The following ROR1 variants were observed in gnomAD, a reference collection of about 807,000 sequenced individuals.
The protein encoded by ROR1 is ROR family WNT receptor 1.
A neutral mutation model predicts 78.8 loss-of-function variants in ROR1; 19 were observed. That is an observed-to-expected ratio of 0.24 (90% confidence interval 0.17 to 0.35). ROR1 has a LOEUF of 0.35. ROR1 is among the 10% of genes least tolerant of loss of function. The pLI is 1.00. For synonymous variants in ROR1, 386 were observed against 433.6 expected, an observed-to-expected ratio of 0.89 and a Z score of 1.36; for missense variants, 917 against 1,177.8, an observed-to-expected ratio of 0.78 and a Z score of 3.24.
intron 1 of ROR1, among the ~76,000 whole-genome samples, chr1:63,969,942 T>A (rs285335): frequency 0.089 from 13,568 of 152,130 alleles, 749 homozygotes; most frequent in African/African-American, 0.16. Flanking sequence ...TTACCTGCCC[T>A]CTTTTTCCTC....
chr1:63,817,593 G>C (rs1184591664), intron 1 of ROR1, among the ~76,000 whole-genome samples: 1 of 152,104 alleles, frequency 6.6e-6, no homozygotes, highest in Admixed American at 6.5e-5. Flanking sequence ...ATAGATTAAA[G>C]CACGATTGTC....
chr1:63,843,249 G>A (rs1557522774), intron 1 of ROR1: 2 of 1,507,598 alleles, frequency 1.3e-6, no homozygotes, highest in Non-Finnish European at 1.8e-6. Flanking sequence ...CTCTGCCAGG[G>A]TGCAGCGGTC....
At chr1:63,932,057 T>A (rs1381902648) in intron 1 of ROR1, among the ~76,000 whole-genome samples, 1 of 152,154 alleles carries the variant, frequency 6.6e-6, no homozygotes, top group African/African-American at 2.4e-5. Flanking sequence ...CTTACATGCT[T>A]GCAGTGAGGA....
intron 1 of ROR1, among the ~76,000 whole-genome samples, chr1:63,997,578 A>C (rs1646347337): frequency 1.3e-5 from 2 of 152,064 alleles, no homozygotes; most frequent in South Asian, 2.1e-4. Flanking sequence ...TTCTCAGTTC[A>C]TTTAAAGCTT....
At chr1:63,941,151 A>G (rs1645836295) in intron 1 of ROR1, among the ~76,000 whole-genome samples, 1 of 152,224 alleles carries the variant, frequency 6.6e-6, no homozygotes, top group Admixed American at 6.6e-5. Flanking sequence ...GCTGGAGGGT[A>G]GAAAAAACAA....
rs139973518 is a variant in ROR1 at position 64,083,536 on chromosome 1, T to TGTGTGTGTGTGTGTGTGTGTGTGTC, written c.482+32820_482+32821insGTGTGTGTGTGTGTGTGTGTGTGTC. 2.8e-3 allele frequency among the ~76,000 whole-genome samples: 418 copies of TGTGTGTGTGTGTGTGTGTGTGTGTC among 150,822 alleles called. 1 individual carries two copies. Among genetic ancestry groups the TGTGTGTGTGTGTGTGTGTGTGTGTC allele is most frequent in the African/African-American group, 7.3e-3 (298 of 40,944 alleles). On this transcript the variant is annotated intron_variant, in intron 4 of 8. Transcript: ENST00000371079. ...TAATTTCCAAGATTGAGTGTGTGTG[T>TGTGTGTGTGTGTGTGTGTGTGTGTC]TTTAGGAACACCTAACCATTTCCAG...
chr1:64,030,866 T>G (rs1041079823), intron 2 of ROR1, among the ~76,000 whole-genome samples: 5 of 151,910 alleles, frequency 3.3e-5, no homozygotes, highest in Non-Finnish European at 1.5e-5. Flanking sequence ...GAATTAGGGG[T>G]GTGTGTGTGT....
chr1:63,799,015 G>T (rs1644779575), intron 1 of ROR1, among the ~76,000 whole-genome samples: 1 of 151,908 alleles, frequency 6.6e-6, no homozygotes, highest in Admixed American at 6.6e-5. Flanking sequence ...TCAACAGCTG[G>T]ATTAACTTCC....
intron 1 of ROR1, among the ~76,000 whole-genome samples, chr1:63,796,473 A>G (rs1644761134): frequency 1.3e-5 from 2 of 152,250 alleles, no homozygotes; most frequent in Non-Finnish European, 2.9e-5. Context: ...TTAAAGAACC[A>G]TGGCTTTAAA....
chr1:64,008,789 C>T (rs1248097498), intron 1 of ROR1, among the ~76,000 whole-genome samples: 2 of 152,096 alleles, frequency 1.3e-5, no homozygotes, highest in Non-Finnish European at 2.9e-5. Flanking sequence ...TGCATGCCAC[C>T]AGGCAGGGCT....
intron 1 of ROR1, among the ~76,000 whole-genome samples, chr1:63,823,445 C>CTTTTTTTTTT (rs11374055): frequency 1.9e-5 from 2 of 106,172 alleles, no homozygotes; most frequent in African/African-American, 3.8e-5. Context: ...ACAGACATTA[C>CTTTTTTTTTT]TTTTTTTTTT....
intron 1 of ROR1, among the ~76,000 whole-genome samples, chr1:63,926,027 C>T (rs1200016981): frequency 2.0e-5 from 3 of 151,788 alleles, no homozygotes; most frequent in Non-Finnish European, 4.4e-5. Flanking sequence ...AATTAGATCC[C>T]ATTTGTCAAT....
intron 1 of ROR1, among the ~76,000 whole-genome samples, chr1:64,006,142 A>C (rs887953451): frequency 3.9e-5 from 6 of 152,224 alleles, no homozygotes; most frequent in Non-Finnish European, 8.8e-5. Context: ...CTGTCTATAA[A>C]ATTAACACTG....
At chr1:63,885,512 A>G (rs12083977) in intron 1 of ROR1, among the ~76,000 whole-genome samples, 2,094 of 152,162 alleles carry the variant, frequency 0.014, 51 homozygotes, top group African/African-American at 0.048. Context: ...TTTTGTTCTG[A>G]AGGAGCTTCC....
At chr1:63,797,201 C>CA (rs547958140) in intron 1 of ROR1, among the ~76,000 whole-genome samples, 28 of 152,118 alleles carry the variant, frequency 1.8e-4, no homozygotes, top group African/African-American at 5.5e-4. Flanking sequence ...CTGTGCCTTG[C>CA]AAAAAAGGAC....
At chr1:64,096,403 C>T (rs955177856) in intron 4 of ROR1, among the ~76,000 whole-genome samples, 6 of 152,038 alleles carry the variant, frequency 3.9e-5, no homozygotes, top group African/African-American at 1.4e-4. Flanking sequence ...CTCCACCCTC[C>T]AATAGGCCCC....
chr1:63,981,477 G>A (rs1428787571), intron 1 of ROR1, among the ~76,000 whole-genome samples: 1 of 152,164 alleles, frequency 6.6e-6, no homozygotes, highest in Non-Finnish European at 1.5e-5. Context: ...TTTCCTTGAT[G>A]AGGTTGTTCT....
chr1:63,785,117 A>G (rs1027075311), intron 1 of ROR1, among the ~76,000 whole-genome samples: 3 of 152,200 alleles, frequency 2.0e-5, no homozygotes, highest in Non-Finnish European at 4.4e-5. Context: ...GGAAACTGAC[A>G]CCATTTCCGG....
At chr1:64,110,639 G>A (rs1648054601) in intron 4 of ROR1, 1 of 152,044 alleles carries the variant, frequency 6.6e-6, no homozygotes, top group Admixed American at 6.6e-5. Context: ...AAATCATACA[G>A]TGTTCATTAC....
Sources: allele counts gnomAD v4.1 joint callset (sites outside exome capture counted in the v4.1 genomes callset), GRCh38; gene constraint gnomAD v4.1.1; transcripts MANE v1.5; gene names NCBI Gene and HGNC (gene_info 2026-07-23, HGNC 2026-07-21).